TFDP2: variants seen among roughly 807,000 people sequenced by gnomAD.
TFDP2 encodes transcription factor Dp-2, also known as transcription factor Dp-2 (E2F dimerization partner 2).
Under a neutral mutation model 59.3 loss-of-function variants are expected in TFDP2, and 17 were observed. The observed-to-expected ratio is 0.29, with a 90% confidence interval of 0.20 to 0.43. TFDP2 has a LOEUF of 0.43. Among genes scored for constraint, TFDP2 ranks in the 20% least tolerant of loss-of-function variants. The pLI, the probability that TFDP2 is intolerant of heterozygous loss-of-function variation, is 1.00. For synonymous variants in TFDP2, 180 were observed against 194.7 expected, an observed-to-expected ratio of 0.92 and a Z score of 0.63; for missense variants, 391 against 528.8, an observed-to-expected ratio of 0.74 and a Z score of 2.56.
At chr3:142,134,337 A>G (rs2062638133) in intron 1 of TFDP2, among the ~76,000 whole-genome samples, 1 of 143,278 alleles carries the variant, frequency 7.0e-6, no homozygotes, top group Non-Finnish European at 1.5e-5. Context: ...CAACAGAGCG[A>G]GACCCCATCT....
intron 1 of TFDP2, among the ~76,000 whole-genome samples, chr3:142,144,123 C>T (rs2063065603): frequency 6.6e-6 from 1 of 152,152 alleles, no homozygotes; most frequent in African/African-American, 2.4e-5. Flanking sequence ...TCTGTAATCC[C>T]AGCACTTTGG....
intron 5 of TFDP2, chr3:141,994,721 A>G (rs1053915631): frequency 5.2e-6 from 1 of 192,684 alleles, no homozygotes; most frequent in African/African-American, 2.3e-5. Context: ...ATATAAAAAT[A>G]TAGTTTTTAT....
At chr3:142,111,438 A>T (rs1005171197) in intron 1 of TFDP2, among the ~76,000 whole-genome samples, 1 of 151,778 alleles carries the variant, frequency 6.6e-6, no homozygotes, top group Non-Finnish European at 1.5e-5. Flanking sequence ...AAAAAAAAAA[A>T]AAAAAAAAAA....
chr3:142,032,230 A>C (rs1946464001), intron 3 of TFDP2, among the ~76,000 whole-genome samples: 1 of 152,104 alleles, frequency 6.6e-6, no homozygotes, highest in Admixed American at 6.5e-5. Flanking sequence ...CAGCCTCCCA[A>C]GCAGCCAGGA....
chr3:141,982,050 T>C (rs1271749682), intron 6 of TFDP2, among the ~76,000 whole-genome samples: 1 of 152,136 alleles, frequency 6.6e-6, no homozygotes, highest in Non-Finnish European at 1.5e-5. Flanking sequence ...TAGGCATAAC[T>C]CACATGTGGC....
intron 7 of TFDP2, among the ~76,000 whole-genome samples, chr3:141,977,459 C>T (rs546736311): frequency 6.6e-6 from 1 of 151,314 alleles, no homozygotes; most frequent in East Asian, 1.9e-4. Flanking sequence ...GAGGCAGAGC[C>T]TTGCCATTTT....
chr3:141,968,687 G>GAT (rs1331078645), intron 9 of TFDP2, among the ~76,000 whole-genome samples: 1 of 80,024 alleles, frequency 1.2e-5, no homozygotes, highest in Non-Finnish European at 2.3e-5. Context: ...CTCATATATA[G>GAT]ATATATATAA....
chr3:142,099,016 T>G (rs1445565541), intron 2 of TFDP2, among the ~76,000 whole-genome samples: 1 of 152,202 alleles, frequency 6.6e-6, no homozygotes, highest in Non-Finnish European at 1.5e-5. Context: ...CAAAAGTAAC[T>G]CTTCACAAAA....
chr3:142,102,747 T>C (rs2061351758), intron 1 of TFDP2, among the ~76,000 whole-genome samples: 1 of 152,222 alleles, frequency 6.6e-6, no homozygotes, highest in Non-Finnish European at 1.5e-5. Flanking sequence ...CATGTGTCTC[T>C]TCAAGCGCAC....
rs1025496838 is a variant in TFDP2, at chr3:141,978,683, C to T, written c.357-1G>A. On this transcript the variant is annotated splice_acceptor_variant, in intron 6 of 12. Transcript: ENST00000489671. LOFTEE classifies it high-confidence loss of function. ...TTTATCTCCTTTTTTGCTTCGTTTA[C>T]TAGAAGGGAAAAAAGTTTTTTTTAC... The T allele has an allele frequency of 1.9e-6, 3 of 1,594,586 alleles. No individual in the cohort carries two copies. The highest frequency in any genetic ancestry group is 2.6e-6 in the Non-Finnish European group (3 of 1,174,156).
chr3:141,971,894 T>C (rs906752776), intron 8 of TFDP2, among the ~76,000 whole-genome samples: 1 of 152,250 alleles, frequency 6.6e-6, no homozygotes, highest in Non-Finnish European at 1.5e-5. Flanking sequence ...GCTCAGCTTA[T>C]AGGAATACTC....
At chr3:142,137,286 G>A (rs750115200) in intron 1 of TFDP2, among the ~76,000 whole-genome samples, 1 of 152,168 alleles carries the variant, frequency 6.6e-6, no homozygotes, top group Non-Finnish European at 1.5e-5. Flanking sequence ...TTTGGGCTGA[G>A]ACGATGGGGT....
At chr3:142,098,805 T>C (rs192101499) in intron 2 of TFDP2, among the ~76,000 whole-genome samples, 76 of 152,332 alleles carry the variant, frequency 5.0e-4, no homozygotes, top group Admixed American at 4.4e-3. Context: ...CAAGCCATTA[T>C]GCCACCATAC....
intron 2 of TFDP2, among the ~76,000 whole-genome samples, chr3:142,096,531 T>C (rs1208386911): frequency 6.6e-6 from 1 of 152,184 alleles, no homozygotes; most frequent in African/African-American, 2.4e-5. Context: ...AAATAAATTG[T>C]ATTGTCTGTA....
intron 9 of TFDP2, among the ~76,000 whole-genome samples, chr3:141,969,244 T>C (rs1464578785): frequency 1.8e-5 from 2 of 109,676 alleles, no homozygotes; most frequent in African/African-American, 7.9e-5. Flanking sequence ...TATATATATA[T>C]ATAACATATA....
At chr3:142,091,710 G>A (rs1456025526) in intron 3 of TFDP2, among the ~76,000 whole-genome samples, 3 of 152,208 alleles carry the variant, frequency 2.0e-5, no homozygotes, top group African/African-American at 4.8e-5. Context: ...GGATGGGGGT[G>A]GAGAGAGATG....
intron 1 of TFDP2, among the ~76,000 whole-genome samples, chr3:142,125,096 T>C (rs1051148329): frequency 3.3e-5 from 5 of 151,998 alleles, no homozygotes; most frequent in African/African-American, 7.2e-5. Flanking sequence ...GTCCCAACTA[T>C]TTGGGAGGCT....
At chr3:142,099,149 G>C (rs1316229282) in intron 2 of TFDP2, among the ~76,000 whole-genome samples, 1 of 152,150 alleles carries the variant, frequency 6.6e-6, no homozygotes, top group East Asian at 1.9e-4. Context: ...TTCTGTGTTT[G>C]TGAGTCACTT....
intron 1 of TFDP2, among the ~76,000 whole-genome samples, chr3:142,135,842 G>A (rs2062709739): frequency 1.3e-5 from 2 of 152,018 alleles, no homozygotes; most frequent in South Asian, 2.1e-4. Context: ...CTTTGCTATT[G>A]TGAATAGTGC....
Sources: allele counts gnomAD v4.1 joint callset (sites outside exome capture counted in the v4.1 genomes callset), GRCh38; gene constraint gnomAD v4.1.1; transcripts MANE v1.5; gene names NCBI Gene and HGNC (gene_info 2026-07-23, HGNC 2026-07-21).